The following RLF variants were observed in gnomAD, a reference collection of about 807,000 sequenced individuals.
RLF encodes the protein zinc finger protein Rlf.
RLF carries 7 observed loss-of-function variants against 162.9 expected under a neutral mutation model. The ratio of observed to expected loss-of-function variants is 0.04; its 90% CI spans 0.02 to 0.08. The LOEUF is 0.08. Ranked by LOEUF, RLF falls within the 10% of genes least tolerant of loss-of-function variation. The pLI is 1.00. For synonymous variants in RLF, 782 were observed against 791.5 expected, an observed-to-expected ratio of 0.99 and a Z score of 0.20; for missense variants, 1,664 against 2,244.7, an observed-to-expected ratio of 0.74 and a Z score of 5.23.
intron 1 of RLF, among the ~76,000 whole-genome samples, chr1:40,186,113 T>G (rs547806920): frequency 1.3e-5 from 2 of 151,912 alleles, no homozygotes; most frequent in East Asian, 3.9e-4. Flanking sequence ...AGCCGAGATT[T>G]CACCACCGCA....
intron 1 of RLF, among the ~76,000 whole-genome samples, chr1:40,169,126 G>T (rs1189188791): frequency 2.6e-5 from 4 of 152,166 alleles, no homozygotes; most frequent in African/African-American, 9.7e-5. Context: ...ATCTTTTTGT[G>T]TGCCAAGCCC....
chr1:40,178,113 A>G (rs1157197820), intron 1 of RLF, among the ~76,000 whole-genome samples: 1 of 151,992 alleles, frequency 6.6e-6, no homozygotes, highest in African/African-American at 2.4e-5. Context: ...TGAGTGTTAT[A>G]TAAATATATC....
At chr1:40,171,845 A>G (rs1220667245) in intron 1 of RLF, among the ~76,000 whole-genome samples, 5 of 152,180 alleles carry the variant, frequency 3.3e-5, no homozygotes, top group Non-Finnish European at 7.3e-5. Flanking sequence ...AATAAGAAGT[A>G]AAAGCTCCTG....
chr1:40,239,898 T>C lies in RLF; in HGVS notation c.5196T>C (p.Ser1732=), dbSNP rs760818030. ...AAGAATCAGAAACTAGGCAGCATAG[T>C]TCAGGGCAAGAAAACACTGTAAAAA... ...RIKESETRQH[S]SGQENTVKNP... Residue 1732 remains serine (S), a synonymous_variant, in exon 8 of 8, where the codon AGT becomes AGC. Coordinates refer to ENST00000372771, the MANE Select transcript of RLF (RefSeq NM_012421.4). 8.7e-6 allele frequency: 14 copies of C among 1,613,792 alleles called. No individual in the cohort carries two copies. The highest frequency in any genetic ancestry group is 2.2e-5 in the South Asian group (2 of 91,080).
rs751816577 is a variant in RLF at position 40,238,322 on chromosome 1, T to C, written c.3620T>C (p.Leu1207Ser). 2 of 1,614,068 alleles carry C rather than the reference T, an allele frequency of 1.2e-6. No homozygotes were observed. Among genetic ancestry groups the C allele is most frequent in the Non-Finnish European group, 1.7e-6 (2 of 1,179,986 alleles). ...IGSDRATHKL[L>S]DNEKCDHEGP... The stretch of plus-strand genomic sequence containing the variant: ...AGTGACAGAGCAACTCACAAACTAT[T>C]AGATAATGAAAAGTGTGATCATGAA... Residue 1207 changes from leucine (L) to serine (S), a missense_variant, in exon 8 of 8, where the codon TTA becomes TCA. This residue lies in a region of RLF where 102 missense variants were observed against 109.5 expected (regional missense o/e 0.93). Coordinates refer to ENST00000372771, the MANE Select transcript of RLF (RefSeq NM_012421.4). The surrounding 1 kb of genome is among the most constrained non-coding windows in gnomAD (Gnocchi z 5.2).
chr1:40,171,823 A>G (rs912440046), intron 1 of RLF, among the ~76,000 whole-genome samples: 11 of 152,320 alleles, frequency 7.2e-5, no homozygotes, highest in African/African-American at 2.6e-4. Context: ...TTAGAACAGT[A>G]TAAAAGGGGA....
intron 5 of RLF, among the ~76,000 whole-genome samples, chr1:40,207,534 G>A (rs917291869): frequency 1.3e-5 from 2 of 152,208 alleles, no homozygotes; most frequent in Admixed American, 1.3e-4. Flanking sequence ...TGGGTCAATA[G>A]TTATTTCAAA....
At position 40,209,274 on chromosome 1, in the gene RLF, A is replaced by T. The variant is rs1642837111; in HGVS notation, c.810+6660A>T. 2.0e-5 allele frequency among the ~76,000 whole-genome samples: 3 copies of T among 152,336 alleles called. No individual in the cohort carries two copies. The East Asian group carries it at 5.8e-4, about 29-fold the overall frequency. The stretch of plus-strand genomic sequence containing the variant: ...TTGAATCTTGACATTGTCATTTACT[A>T]GCCATACAGCCTTGGCCAGGTAGCT... On this transcript the variant is annotated intron_variant, in intron 5 of 7. Coordinates refer to ENST00000372771, the MANE Select transcript of RLF (RefSeq NM_012421.4).
At chr1:40,186,396 AGG>A (rs1442354850) in intron 1 of RLF, among the ~76,000 whole-genome samples, 1 of 152,170 alleles carries the variant, frequency 6.6e-6, no homozygotes, top group Non-Finnish European at 1.5e-5. Context: ...CCAACACATG[AGG>A]GGGTAAAGAT....
chr1:40,170,953 G>T lies in RLF; in HGVS notation c.237+9317G>T, dbSNP rs61780416. On this transcript the variant is annotated intron_variant, in intron 1 of 7. Coordinates refer to ENST00000372771, the MANE Select transcript of RLF (RefSeq NM_012421.4). ...TTGAGTGCTATTGTTATTATTATTAGTAGTAGTAGTATTTGGATCTAGCAG... is the reference window on the plus strand; with the variant it reads ...TTGAGTGCTATTGTTATTATTATTATTAGTAGTAGTATTTGGATCTAGCAG... 3.9e-3 allele frequency among the ~76,000 whole-genome samples: 592 copies of T among 152,180 alleles called. 12 individuals are homozygous for T. Among genetic ancestry groups the T allele is most frequent in the East Asian group, 0.031 (162 of 5,182 alleles).
intron 1 of RLF, among the ~76,000 whole-genome samples, chr1:40,185,547 G>A (rs1232603800): frequency 1.9e-5 from 2 of 107,016 alleles, no homozygotes; most frequent in Non-Finnish European, 3.9e-5. Flanking sequence ...AAAAAAAGCC[G>A]GGCGCAGTGG....
At chr1:40,175,233 C>A (rs767815576) in intron 1 of RLF, among the ~76,000 whole-genome samples, 1 of 151,792 alleles carries the variant, frequency 6.6e-6, no homozygotes, top group Non-Finnish European at 1.5e-5. Context: ...CTAGACCAGA[C>A]GTTCCCATAA....
At chr1:40,230,744 AG>A (rs1318484198) in intron 6 of RLF, among the ~76,000 whole-genome samples, 1 of 152,086 alleles carries the variant, frequency 6.6e-6, no homozygotes, top group Non-Finnish European at 1.5e-5. Flanking sequence ...GCCTCTTTTT[AG>A]TTTTGCTATT....
chr1:40,192,131 C>T (rs1303723887), intron 3 of RLF, among the ~76,000 whole-genome samples: 1 of 152,162 alleles, frequency 6.6e-6, no homozygotes, highest in Non-Finnish European at 1.5e-5. Context: ...TGTTCTTGGC[C>T]TATTTAAAGC....
chr1:40,168,402 C>T (rs968271015), intron 1 of RLF, among the ~76,000 whole-genome samples: 6 of 152,052 alleles, frequency 3.9e-5, no homozygotes, highest in Admixed American at 1.3e-4. Context: ...TGTGCCACCA[C>T]GCCCAGCTAA....
At chr1:40,222,839 C>T in intron 6 of RLF, 129 bp downstream of exon 6, 1 of 680,308 alleles carries the variant, frequency 1.5e-6, no homozygotes. Flanking sequence ...TGCTTCCACA[C>T]ACAATCATTT....
At chr1:40,166,491 A>T (rs889996806) in intron 1 of RLF, among the ~76,000 whole-genome samples, 2 of 152,104 alleles carry the variant, frequency 1.3e-5, no homozygotes, top group Non-Finnish European at 2.9e-5. Flanking sequence ...TGACCCAGCC[A>T]TCCCATTACT....
chr1:40,208,321 G>A (rs867899418), intron 5 of RLF, among the ~76,000 whole-genome samples: 1 of 152,148 alleles, frequency 6.6e-6, no homozygotes, highest in Non-Finnish European at 1.5e-5. Flanking sequence ...ATGACCTAGG[G>A]CCTCATTAAT....
chr1:40,168,849 C>T (rs188961405), intron 1 of RLF, among the ~76,000 whole-genome samples: 2 of 151,806 alleles, frequency 1.3e-5, no homozygotes, highest in Non-Finnish European at 2.9e-5. Context: ...AAAAATTAGC[C>T]AGGTGTTATG....
Sources: gnomAD v4.1 joint callset for allele counts (sites outside exome capture counted in the v4.1 genomes callset) on GRCh38, gnomAD v4.1.1 for gene constraint, gnomAD v4.1.1 regional missense constraint, Gnocchi (gnomAD v3.1) non-coding constraint, MANE v1.5 for transcripts, NCBI Gene and HGNC (gene_info 2026-07-23, HGNC 2026-07-21) for gene names.